LATS2: variants seen among roughly 807,000 people sequenced by gnomAD.
LATS2 encodes serine/threonine-protein kinase LATS2.
Under a neutral mutation model 76.0 loss-of-function variants are expected in LATS2, and 24 were observed. The observed-to-expected ratio is 0.32, with a 90% CI of 0.23 to 0.44. The LOEUF (loss-of-function observed/expected upper bound fraction) is 0.44. Ranked by LOEUF, LATS2 falls within the 20% of genes least tolerant of loss-of-function variation. The pLI, the probability that LATS2 is intolerant of heterozygous loss-of-function variation, is 1.00. For missense variants in LATS2, 1,286 were observed against 1,481.2 expected, an observed-to-expected ratio of 0.87 and a Z score of 2.16; for synonymous variants, 692 against 635.4, an observed-to-expected ratio of 1.09 and a Z score of -1.34.
At chr13:21,008,921 ACTAT>A (rs1469345577) in intron 2 of LATS2, among the ~76,000 whole-genome samples, 1 of 152,230 alleles carries the variant, frequency 6.6e-6, no homozygotes, top group African/African-American at 2.4e-5. Flanking sequence ...AAAACTGGAA[ACTAT>A]CTAAATGTCC....
rs756027275 is a variant in LATS2 at position 20,981,471 on chromosome 13, C to A, written c.2660G>T (p.Arg887Leu). 2.5e-6 allele frequency: 4 copies of A among 1,612,746 alleles called. No homozygotes were observed. Among genetic ancestry groups the A allele is most frequent in the Non-Finnish European group, 2.5e-6 (3 of 1,179,312 alleles). Residue 887 changes from arginine (R) to leucine (L), a missense_variant, in exon 6 of 8, where the codon CGC (arginine) becomes CTC (leucine). Around this residue, in one of 5 missense-constraint regions of LATS2, gnomAD observed 247 missense variants for 385.4 expected, o/e 0.64. Transcript: ENST00000382592. ...PNYIAPEVLL[R>L]KGYTQLCDWW... ...GCTGGCCATGGCGCATGTACCTTTG[C>A]GGAGGAGCACCTCGGGTGCGATGTA...
intron 1 of LATS2, among the ~76,000 whole-genome samples, chr13:21,059,428 T>C (rs1439971471): frequency 6.6e-6 from 1 of 151,790 alleles, no homozygotes; most frequent in East Asian, 1.9e-4. Context: ...AAACCCCGTC[T>C]CTACTAAAAA....
intron 1 of LATS2, among the ~76,000 whole-genome samples, chr13:21,052,249 TAA>T (rs769071759): frequency 6.6e-6 from 1 of 152,158 alleles, no homozygotes; most frequent in Non-Finnish European, 1.5e-5. Context: ...AGATTTATAA[TAA>T]GTTAGGCAAA....
intron 1 of LATS2, among the ~76,000 whole-genome samples, chr13:21,056,100 C>T (rs979696230): frequency 1.8e-4 from 27 of 152,206 alleles, no homozygotes; most frequent in African/African-American, 6.5e-4. Flanking sequence ...GAGCATTGTG[C>T]TGGACACTAT....
At chr13:21,058,636 G>A (rs1311266874) in intron 1 of LATS2, among the ~76,000 whole-genome samples, 1 of 152,178 alleles carries the variant, frequency 6.6e-6, no homozygotes, top group African/African-American at 2.4e-5. Flanking sequence ...ATCCCTTCCA[G>A]TTCTATAATT....
At chr13:21,032,612 G>A (rs1221937199) in intron 2 of LATS2, among the ~76,000 whole-genome samples, 1 of 151,906 alleles carries the variant, frequency 6.6e-6, no homozygotes, top group Non-Finnish European at 1.5e-5. Flanking sequence ...ATTAGTATTA[G>A]TGCATTTTAT....
At chr13:21,046,365 G>A (rs1873077657) in intron 1 of LATS2, 135 bp from the exon 2 acceptor site, 1 of 272,058 alleles carries the variant, frequency 3.7e-6, no homozygotes. Context: ...TCACCTCTCA[G>A]AAATGACAAA....
Position 20,991,180 on chromosome 13 carries a change from AGGCCAGGC to A in LATS2, c.475+84_475+91del. On this transcript the variant is annotated intron_variant, in intron 3 of 7. Transcript: ENST00000382592. The surrounding 1 kb of genome is among the most constrained non-coding windows in gnomAD (Gnocchi z 4.9). ...ATGTGCCAGGAGACTGGCTCTGGCC[AGGCCAGGC>A]CAGGTTGGACCCCTCTGCACGTGGT... The A allele has an allele frequency of 6.9e-7, 1 of 1,457,774 alleles. No homozygotes were observed. The highest frequency in any genetic ancestry group is 1.4e-5 in the African/African-American group (1 of 71,842). 90.3% of individuals were successfully genotyped at this position (1,457,774 alleles called of 1,614,324 possible).
chr13:21,054,442 T>C (rs570417020), intron 1 of LATS2, among the ~76,000 whole-genome samples: 2 of 151,922 alleles, frequency 1.3e-5, no homozygotes, highest in African/African-American at 4.8e-5. Flanking sequence ...TAAATAAACA[T>C]AGCTACACAA....
chr13:21,028,806 G>C (rs1227291883), intron 2 of LATS2, among the ~76,000 whole-genome samples: 8 of 152,116 alleles, frequency 5.3e-5, no homozygotes, highest in Non-Finnish European at 8.8e-5. Flanking sequence ...TTGACCTTGT[G>C]ATCCACCCGC....
At chr13:20,981,980 G>C (rs1869910680) in intron 5 of LATS2, among the ~76,000 whole-genome samples, 1 of 152,174 alleles carries the variant, frequency 6.6e-6, no homozygotes, top group Non-Finnish European at 1.5e-5. Flanking sequence ...CTAGCGCTTA[G>C]GCCATAATCA....
At chr13:21,039,293 A>C (rs913054543) in intron 2 of LATS2, among the ~76,000 whole-genome samples, 2 of 152,216 alleles carry the variant, frequency 1.3e-5, no homozygotes, top group African/African-American at 4.8e-5. Flanking sequence ...CAGTAACACC[A>C]AACGGTGGTT....
At chr13:21,061,119 G>C (rs987631027) in intron 1 of LATS2, among the ~76,000 whole-genome samples, 2 of 151,830 alleles carry the variant, frequency 1.3e-5, no homozygotes, top group East Asian at 3.9e-4. Context: ...GGCTCCGTAC[G>C]GCCTGGACTA....
intron 2 of LATS2, among the ~76,000 whole-genome samples, chr13:21,009,580 T>C (rs1174539497): frequency 6.6e-6 from 1 of 152,256 alleles, no homozygotes; most frequent in Non-Finnish European, 1.5e-5. Flanking sequence ...TTTCCAGGTA[T>C]ATGTGGTGCA....
At chr13:21,039,470 T>C (rs1042435481) in intron 2 of LATS2, among the ~76,000 whole-genome samples, 11 of 152,240 alleles carry the variant, frequency 7.2e-5, no homozygotes, top group African/African-American at 2.7e-4. Context: ...ATAGCTTTTT[T>C]GGTGATGCAT....
At chr13:21,047,501 C>T (rs1873114745) in intron 1 of LATS2, among the ~76,000 whole-genome samples, 1 of 152,218 alleles carries the variant, frequency 6.6e-6, no homozygotes, top group South Asian at 2.1e-4. Context: ...CCCCTTCCCT[C>T]ACCCACTCCC....
Position 20,973,237 on chromosome 13 carries a change from G to C in LATS2, c.*1633C>G. 4.3e-6 allele frequency: 1 copy of C among 232,444 alleles called. No individual in the cohort carries two copies. Among genetic ancestry groups the C allele is most frequent in the Non-Finnish European group, 8.5e-6 (1 of 117,370 alleles). 14.4% of individuals were successfully genotyped at this position (232,444 alleles called of 1,614,324 possible). On this transcript the variant is annotated 3_prime_UTR_variant, in exon 8 of 8. Coordinates refer to ENST00000382592, the MANE Select transcript of LATS2 (RefSeq NM_014572.3). ...TCACGACGACAGGCACAGCAGACTT[G>C]AGTATGCCACTCACACAAATGTAAA...
At chr13:21,027,789 A>T (rs922204166) in intron 2 of LATS2, among the ~76,000 whole-genome samples, 2 of 151,822 alleles carry the variant, frequency 1.3e-5, no homozygotes, top group Non-Finnish European at 2.9e-5. Context: ...AATTTCAATT[A>T]AAAAAAATAA....
intron 2 of LATS2, among the ~76,000 whole-genome samples, chr13:21,040,977 C>T (rs1317531733): frequency 1.4e-5 from 2 of 147,358 alleles, no homozygotes; most frequent in East Asian, 2.0e-4. Context: ...ATGTGTTCAC[C>T]TTTTTTTTTT....
Sources: gnomAD v4.1 joint callset for allele counts (sites outside exome capture counted in the v4.1 genomes callset) on GRCh38, gnomAD v4.1.1 for gene constraint, gnomAD v4.1.1 regional missense constraint, Gnocchi (gnomAD v3.1) non-coding constraint, MANE v1.5 for transcripts, NCBI Gene and HGNC (gene_info 2026-07-23, HGNC 2026-07-21) for gene names.